SGPL1: variants seen among roughly 807,000 people sequenced by gnomAD.
SGPL1 encodes SP-lyase 1.
In SGPL1, 37 loss-of-function variants were observed where a neutral mutation model predicts 68.9. The observed-to-expected ratio is 0.54, with a 90% CI of 0.41 to 0.71. The LOEUF is 0.71. SGPL1 is among the 30% of genes least tolerant of loss of function. The probability of loss-of-function intolerance (pLI) is 0.00; values close to 1 mark genes in which losing one functional copy is unlikely to be tolerated. For synonymous variants in SGPL1, 236 were observed against 248.5 expected, an observed-to-expected ratio of 0.95 and a Z score of 0.47; for missense variants, 551 against 704.6, an observed-to-expected ratio of 0.78 and a Z score of 2.47.
chr10:70,875,531 G>C lies in SGPL1; in HGVS notation c.1428G>C (p.Gln476His). The C allele has an allele frequency of 6.2e-7, 1 of 1,609,868 alleles. No homozygotes were observed. The highest frequency in any genetic ancestry group is 8.5e-7 in the Non-Finnish European group (1 of 1,177,882). The change falls in exon 13 of 15, where the codon CAG (glutamine) becomes CAC (histidine). Residue 476 changes from glutamine to histidine, a missense_variant. Coordinates refer to ENST00000373202, the MANE Select transcript of SGPL1 (RefSeq NM_003901.4). ...CTGCTAAGGGGTGGAACTTGAACCA[G>C]TTGCAGTTCCCACCCAGGTAAGCTT... ...LMTAKGWNLNQLQFPPSIHFC... is the reference protein window; with the variant it reads ...LMTAKGWNLNHLQFPPSIHFC...
intron 3 of SGPL1, among the ~76,000 whole-genome samples, chr10:70,850,021 A>G (rs1205159224): frequency 6.6e-6 from 1 of 152,164 alleles, no homozygotes; most frequent in Non-Finnish European, 1.5e-5. Context: ...TGCTGTTGTC[A>G]GAGTCAGTCG....
chr10:70,823,682 CATATAT>C (rs1222888806), intron 2 of SGPL1, among the ~76,000 whole-genome samples: 1 of 146,558 alleles, frequency 6.8e-6, no homozygotes, highest in Non-Finnish European at 1.5e-5. Flanking sequence ...CAAAACAGTA[CATATAT>C]ATAGATATAT....
intron 4 of SGPL1, among the ~76,000 whole-genome samples, chr10:70,852,389 C>T (rs1845897400): frequency 6.6e-6 from 1 of 152,166 alleles, no homozygotes. Flanking sequence ...CTTCTGTTTG[C>T]TCTCCAAATT....
rs542292489 is a variant in SGPL1, at chr10:70,838,759, A to C, written c.28-5714A>C. On this transcript the variant is annotated intron_variant, in intron 2 of 14. Transcript: ENST00000373202. ...TATATCAAGCGTTAAAGAAGGAAGA[A>C]ATAGAAATGTGAGTACATTACAAGT... is the stretch of plus-strand genomic sequence containing the variant. 1.2e-4 allele frequency among the ~76,000 whole-genome samples: 18 copies of C among 152,354 alleles called. 1 individual carries two copies. The South Asian group carries it at 3.7e-3, about 32-fold the overall frequency.
intron 3 of SGPL1, among the ~76,000 whole-genome samples, chr10:70,848,451 G>C (rs150063725): frequency 0.035 from 4,212 of 119,468 alleles, 246 homozygotes; most frequent in Admixed American, 0.13. Flanking sequence ...ATTACCTCAC[G>C]TACTTTTTTT....
chr10:70,873,920 A>G (rs778505057), intron 12 of SGPL1, among the ~76,000 whole-genome samples: 2 of 152,210 alleles, frequency 1.3e-5, no homozygotes, highest in Non-Finnish European at 2.9e-5. Context: ...AAACTTGAGC[A>G]TGCATTCTAA....
At chr10:70,836,351 A>G (rs183324591) in intron 2 of SGPL1, among the ~76,000 whole-genome samples, 387 of 152,252 alleles carry the variant, frequency 2.5e-3, no homozygotes, top group Non-Finnish European at 3.9e-3. Context: ...GCCCAGAGCG[A>G]TGGTTCCAAT....
intron 2 of SGPL1, among the ~76,000 whole-genome samples, chr10:70,822,694 C>G (rs530888305): frequency 6.6e-6 from 1 of 152,056 alleles, no homozygotes; most frequent in South Asian, 2.1e-4. Flanking sequence ...CAACAGCGTA[C>G]TAAGGGATCA....
intron 2 of SGPL1, 54 bp downstream of exon 2, chr10:70,816,934 T>G: frequency 6.4e-7 from 1 of 1,555,208 alleles, no homozygotes; most frequent in Non-Finnish European, 8.9e-7. Flanking sequence ...TCCGTTTTTT[T>G]AGTCCAAAGG....
intron 3 of SGPL1, among the ~76,000 whole-genome samples, chr10:70,848,197 A>G (rs926878648): frequency 4.6e-5 from 7 of 152,218 alleles, no homozygotes; most frequent in African/African-American, 1.7e-4. Context: ...TCCTTGCAAT[A>G]AAATGGACAT....
At chr10:70,831,851 C>T (rs80012015) in intron 2 of SGPL1, among the ~76,000 whole-genome samples, 10,642 of 152,252 alleles carry the variant, frequency 0.07, 488 homozygotes, top group African/African-American at 0.1. Context: ...CCTTTCTGTG[C>T]AGCCTTCCTT....
intron 4 of SGPL1, 42 bp downstream of exon 4, chr10:70,851,252 A>G: frequency 6.9e-7 from 1 of 1,443,582 alleles, no homozygotes; most frequent in Non-Finnish European, 9.8e-7. Context: ...CCTCTTGATA[A>G]TCATACCTCT....
At chr10:70,852,736 A>T (rs1338641) in intron 4 of SGPL1, among the ~76,000 whole-genome samples, 3 of 151,378 alleles carry the variant, frequency 2.0e-5, no homozygotes, top group Non-Finnish European at 4.4e-5. Flanking sequence ...GTGCGCGCGC[A>T]CGCGTGTGTG....
chr10:70,876,424 C>T, intron 13 of SGPL1, 117 bp from the exon 14 acceptor site: 1 of 929,494 alleles, frequency 1.1e-6, no homozygotes, highest in Non-Finnish European at 1.6e-6. Flanking sequence ...TGGATGACTA[C>T]ACTTGTCAGA....
chr10:70,851,463 C>CA (rs1158684749), intron 4 of SGPL1, among the ~76,000 whole-genome samples: 6 of 151,946 alleles, frequency 3.9e-5, no homozygotes, highest in Admixed American at 6.6e-5. Context: ...AGCCCCCCCC[C>CA]ACCCACCAAA....
intron 4 of SGPL1, among the ~76,000 whole-genome samples, chr10:70,854,169 A>ATTTTT (rs1845926643): frequency 6.7e-6 from 1 of 149,536 alleles, no homozygotes; most frequent in Non-Finnish European, 1.5e-5. Context: ...ATTGGGTGCA[A>ATTTTT]CTTTTTTTTT....
At chr10:70,861,600 C>T (rs1163271075) in intron 7 of SGPL1, among the ~76,000 whole-genome samples, 1 of 152,212 alleles carries the variant, frequency 6.6e-6, no homozygotes, top group African/African-American at 2.4e-5. Flanking sequence ...CTGGGCTGGC[C>T]AAGGTCGGAG....
chr10:70,822,288 T>C (rs1845352468), intron 2 of SGPL1, among the ~76,000 whole-genome samples: 1 of 152,236 alleles, frequency 6.6e-6, no homozygotes, highest in Admixed American at 6.5e-5. Flanking sequence ...TCTCCCAGTG[T>C]TATAGATGAA....
intron 2 of SGPL1, among the ~76,000 whole-genome samples, chr10:70,841,613 C>A (rs1845713498): frequency 6.6e-6 from 1 of 152,040 alleles, no homozygotes; most frequent in Non-Finnish European, 1.5e-5. Context: ...GATCTAATGA[C>A]CCCCCAAAGG....
Sources: allele counts gnomAD v4.1 joint callset (sites outside exome capture counted in the v4.1 genomes callset), GRCh38; gene constraint gnomAD v4.1.1; transcripts MANE v1.5; gene names NCBI Gene and HGNC (gene_info 2026-07-23, HGNC 2026-07-21).